Variants in TC2N observed in about 807,000 individuals in gnomAD.
TC2N encodes tandem C2 domains, nuclear.
A neutral mutation model predicts 61.9 loss-of-function variants in TC2N; 51 were observed. The observed-to-expected ratio is 0.82, with a 90% CI of 0.66 to 1.04. TC2N has a LOEUF of 1.04. Ranked by LOEUF, TC2N falls within the 50% of genes least tolerant of loss-of-function variation. The probability of loss-of-function intolerance (pLI) is 0.00; values close to 1 mark genes in which losing one functional copy is unlikely to be tolerated. For missense variants in TC2N, 556 were observed against 566.7 expected (o/e 0.98, Z 0.19); for synonymous variants, 204 against 192.6 (o/e 1.06, Z -0.49).
intron 1 of TC2N, among the ~76,000 whole-genome samples, chr14:91,823,683 T>C (rs1229974091): frequency 5.3e-5 from 8 of 152,004 alleles, no homozygotes; most frequent in Non-Finnish European, 2.9e-5. Context: ...AGGGTATGGG[T>C]AGAAGGGCAG....
intron 8 of TC2N, among the ~76,000 whole-genome samples, chr14:91,792,953 A>C (rs955025335): frequency 2.2e-4 from 34 of 152,168 alleles, no homozygotes; most frequent in African/African-American, 7.2e-4. Flanking sequence ...TCTTGTTCAT[A>C]GTATCTAACT....
chr14:91,801,095 T>TA (rs1257834341), intron 4 of TC2N, among the ~76,000 whole-genome samples: 2 of 151,382 alleles, frequency 1.3e-5, no homozygotes, highest in African/African-American at 4.9e-5. Context: ...TATATATATA[T>TA]ATCCTGAAAA....
intron 8 of TC2N, among the ~76,000 whole-genome samples, chr14:91,795,655 TATAAA>T (rs1162278953): frequency 6.6e-6 from 1 of 152,206 alleles, no homozygotes; most frequent in Non-Finnish European, 1.5e-5. Context: ...TGGACTACAG[TATAAA>T]GATAACTTTT....
intron 8 of TC2N, 77 bp downstream of exon 8, chr14:91,797,708 T>G: frequency 1.0e-6 from 1 of 958,064 alleles, no homozygotes. Context: ...TTATTCTGAC[T>G]TGTTTACATG....
At chr14:91,844,090 C>T (rs1382365916) in intron 1 of TC2N, among the ~76,000 whole-genome samples, 1 of 152,082 alleles carries the variant, frequency 6.6e-6, no homozygotes, top group Admixed American at 6.5e-5. Flanking sequence ...CACAGTTGGG[C>T]GGCAGCTCCA....
intron 2 of TC2N, among the ~76,000 whole-genome samples, chr14:91,813,030 T>A (rs532320535): frequency 6.6e-6 from 1 of 151,938 alleles, no homozygotes; most frequent in Non-Finnish European, 1.5e-5. Context: ...ATATATATAA[T>A]GCTATCTGTA....
rs1388220724 is a variant in TC2N, at chr14:91,820,196, C to T, written c.-56-6371G>A. Among the ~76,000 whole-genome samples, 5 of 152,084 alleles carry T rather than the reference C, an allele frequency of 3.3e-5. No individual in the cohort carries two copies. In the East Asian group the frequency reaches 9.7e-4, roughly 29 times the overall value. On this transcript the variant is annotated intron_variant, in intron 1 of 11. Transcript: ENST00000435962. ...TAAGTTAAAAATAAAAGGATGGATA[C>T]CCCTTGAGAACATACACCCAAAATC...
rs1331359217 is a variant in TC2N, at chr14:91,782,337, A to C, written c.*763T>G. ...TTAATTCTGTGAATTAGGATGGACC[A>C]TATGGATGATACTCTTATTTTAACT... is the stretch of plus-strand genomic sequence containing the variant. On this transcript the variant is annotated 3_prime_UTR_variant, in exon 12 of 12. Transcript: ENST00000435962. 6.6e-6 allele frequency: 1 copy of C among 152,080 alleles called. No individual in the cohort carries two copies. Among genetic ancestry groups the C allele is most frequent in the Admixed American group, 6.5e-5 (1 of 15,272 alleles). The allele number at this position is 152,080 out of a possible 1,614,324, so 9.4% of individuals were successfully genotyped here.
intron 1 of TC2N, among the ~76,000 whole-genome samples, chr14:91,815,940 T>C (rs755118066): frequency 6.6e-6 from 1 of 151,796 alleles, no homozygotes; most frequent in Non-Finnish European, 1.5e-5. Flanking sequence ...AATAGTATTA[T>C]CATGTGTAAA....
intron 1 of TC2N, among the ~76,000 whole-genome samples, chr14:91,814,270 T>C (rs1026334487): frequency 2.0e-5 from 3 of 149,532 alleles, no homozygotes; most frequent in African/African-American, 7.4e-5. Flanking sequence ...AACTAGGACA[T>C]GTGCTGATAA....
intron 1 of TC2N, chr14:91,866,320 T>C (rs1888701838): frequency 6.6e-6 from 1 of 152,234 alleles, no homozygotes; most frequent in Non-Finnish European, 1.5e-5. Context: ...CCTAAGAAAG[T>C]GTCTGAAGTA....
chr14:91,807,340 T>C lies in TC2N; in HGVS notation c.302-4919A>G, dbSNP rs117584111. 1.3e-3 allele frequency among the ~76,000 whole-genome samples: 202 copies of C among 152,240 alleles called. 2 individuals carry two copies. In the East Asian group the frequency reaches 0.033, roughly 25 times the overall value. On this transcript the variant is annotated intron_variant, in intron 3 of 11. Transcript: ENST00000435962. ...CCAGAATGGTAGATCCACCAACAGTTTGCATTGTGCACCTGGAAAAGCCAC... is the reference window on the plus strand; with the variant it reads ...CCAGAATGGTAGATCCACCAACAGTCTGCATTGTGCACCTGGAAAAGCCAC...
rs1327067913 is a variant in TC2N, at chr14:91,825,028, T to C, written c.-56-11203A>G. ...CCTTGTAATTTTCTTTTTCTTTTCT[T>C]TTTTTTTTTTTTTTTTTTTTTTTTG... On this transcript the variant is annotated intron_variant, in intron 1 of 11. Transcript: ENST00000435962. Among the ~76,000 whole-genome samples the C allele has an allele frequency of 7.7e-4, 4 of 5,170 alleles. 1 individual carries two copies. The highest frequency in any genetic ancestry group is 2.9e-3 in the Admixed American group (1 of 344). 3.4% of individuals were successfully genotyped at this position (5,170 alleles called of 152,430 possible).
At chr14:91,815,840 A>G (rs1005064702) in intron 1 of TC2N, among the ~76,000 whole-genome samples, 2 of 151,692 alleles carry the variant, frequency 1.3e-5, no homozygotes, top group African/African-American at 4.8e-5. Context: ...CTGAAGGTGA[A>G]TCATTTCAAG....
chr14:91,783,394 T>C (rs1394998592), intron 11 of TC2N, among the ~76,000 whole-genome samples, 184 bp from the exon 12 acceptor site: 7 of 152,066 alleles, frequency 4.6e-5, no homozygotes, highest in African/African-American at 1.7e-4. Context: ...TGCTAAAACA[T>C]TTAACCTGCT....
intron 3 of TC2N, among the ~76,000 whole-genome samples, chr14:91,808,845 A>T (rs567186268): frequency 7.2e-4 from 109 of 152,372 alleles, no homozygotes; most frequent in African/African-American, 2.6e-3. Context: ...CATTAAAAAA[A>T]TTACAGTATG....
At chr14:91,816,603 C>T (rs1887012143) in intron 1 of TC2N, among the ~76,000 whole-genome samples, 1 of 151,764 alleles carries the variant, frequency 6.6e-6, no homozygotes, top group Non-Finnish European at 1.5e-5. Flanking sequence ...TCTGCTATGC[C>T]AAAGTGTGTG....
intron 9 of TC2N, among the ~76,000 whole-genome samples, chr14:91,790,147 C>T (rs1338759135): frequency 6.6e-6 from 1 of 152,128 alleles, no homozygotes; most frequent in Non-Finnish European, 1.5e-5. Flanking sequence ...TTGAGGCAGC[C>T]GTAAGATAAA....
At chr14:91,832,902 A>C (rs978205727) in intron 1 of TC2N, among the ~76,000 whole-genome samples, 1 of 152,262 alleles carries the variant, frequency 6.6e-6, no homozygotes, top group Non-Finnish European at 1.5e-5. Context: ...CGCGGCAATA[A>C]AAAGTGAACA....
Sources: allele counts gnomAD v4.1 joint callset (sites outside exome capture counted in the v4.1 genomes callset), GRCh38; gene constraint gnomAD v4.1.1; transcripts MANE v1.5; gene names NCBI Gene and HGNC (gene_info 2026-07-23, HGNC 2026-07-21).